MSRA: variants seen among roughly 807,000 people sequenced by gnomAD.
The protein encoded by MSRA is methionine sulfoxide reductase A.
Under a neutral mutation model 31.3 loss-of-function variants are expected in MSRA, and 54 were observed. The ratio of observed to expected loss-of-function variants is 1.73; its 90% CI spans 1.39 to 2.17. MSRA has a LOEUF of 2.17. Among genes scored for constraint, MSRA ranks in the 30% most tolerant of loss-of-function variants. The pLI is 0.00. For missense variants in MSRA, 507 were observed against 300.9 expected (o/e 1.69, Z -5.07); for synonymous variants, 169 against 116.5 (o/e 1.45, Z -2.90).
chr8:10,410,483 G>A (rs1267213727), intron 5 of MSRA, among the ~76,000 whole-genome samples: 1 of 152,194 alleles, frequency 6.6e-6, no homozygotes, highest in South Asian at 2.1e-4. Context: ...TTAGAGCAGT[G>A]CTCCTGAAAT....
intron 1 of MSRA, among the ~76,000 whole-genome samples, chr8:10,204,797 C>T (rs377153604): frequency 6.6e-6 from 1 of 152,218 alleles, no homozygotes; most frequent in Non-Finnish European, 1.5e-5. Context: ...TTACCTCACT[C>T]GTTAATTTAA....
intron 2 of MSRA, among the ~76,000 whole-genome samples, chr8:10,225,972 A>G (rs943759769): frequency 2.0e-5 from 3 of 152,204 alleles, no homozygotes; most frequent in Non-Finnish European, 2.9e-5. Context: ...ATAGGAAAAA[A>G]TGGGAAGTGT....
intron 5 of MSRA, among the ~76,000 whole-genome samples, chr8:10,382,444 A>G (rs762907378): frequency 3.3e-5 from 5 of 152,198 alleles, no homozygotes; most frequent in African/African-American, 1.2e-4. Context: ...AGGTCCCTCT[A>G]GCAGCTGGTG....
At chr8:10,212,831 G>A (rs1388586202) in intron 2 of MSRA, among the ~76,000 whole-genome samples, 1 of 152,018 alleles carries the variant, frequency 6.6e-6, no homozygotes, top group Non-Finnish European at 1.5e-5. Context: ...TTGGAACACT[G>A]AAACATTTAA....
intron 3 of MSRA, chr8:10,250,651 G>T: frequency 1.7e-6 from 1 of 599,606 alleles, no homozygotes; most frequent in Non-Finnish European, 3.0e-6. Flanking sequence ...GAGCCCAGGT[G>T]TGGGAAGAGC....
intron 3 of MSRA, among the ~76,000 whole-genome samples, chr8:10,255,230 G>T (rs1266791154): frequency 2.0e-5 from 3 of 152,216 alleles, no homozygotes; most frequent in African/African-American, 7.2e-5. Flanking sequence ...CTCATCACTA[G>T]CCCACTGCAA....
intron 1 of MSRA, among the ~76,000 whole-genome samples, chr8:10,091,606 AG>A (rs988984269): frequency 1.4e-5 from 2 of 147,534 alleles, no homozygotes; most frequent in Middle Eastern, 7.0e-3. Context: ...ATCATATGGT[AG>A]TTTTTTTTTT....
chr8:10,132,234 A>G (rs1269801277), intron 1 of MSRA, among the ~76,000 whole-genome samples: 1 of 152,246 alleles, frequency 6.6e-6, no homozygotes, highest in Admixed American at 6.5e-5. Context: ...TTTCACAAAA[A>G]AAGTTTGGAC....
intron 1 of MSRA, among the ~76,000 whole-genome samples, chr8:10,111,377 T>C (rs1311412462): frequency 6.6e-6 from 1 of 152,174 alleles, no homozygotes; most frequent in Non-Finnish European, 1.5e-5. Flanking sequence ...CTTCTCTCTC[T>C]TGGGGCCACT....
intron 3 of MSRA, among the ~76,000 whole-genome samples, chr8:10,292,193 A>C (rs143358110): frequency 6.6e-5 from 10 of 152,332 alleles, no homozygotes; most frequent in African/African-American, 2.4e-4. Context: ...TGCATGTGGG[A>C]TTCCATCTAG....
intron 5 of MSRA, among the ~76,000 whole-genome samples, chr8:10,383,542 G>T (rs1329854939): frequency 6.6e-6 from 1 of 151,994 alleles, no homozygotes; most frequent in Non-Finnish European, 1.5e-5. Flanking sequence ...CTGCCTGTCA[G>T]TTATTTTTTT....
chr8:10,397,817 C>T (rs1252466777), intron 5 of MSRA, among the ~76,000 whole-genome samples: 1 of 152,178 alleles, frequency 6.6e-6, no homozygotes, highest in Non-Finnish European at 1.5e-5. Flanking sequence ...CTCATAGTCT[C>T]ATAGTCTTTA....
intron 1 of MSRA, among the ~76,000 whole-genome samples, chr8:10,064,502 A>T (rs1441311842): frequency 6.6e-6 from 1 of 152,200 alleles, no homozygotes; most frequent in South Asian, 2.1e-4. Context: ...TGGCATCATG[A>T]TACAGCGAAG....
intron 1 of MSRA, among the ~76,000 whole-genome samples, chr8:10,114,806 T>A (rs1800559787): frequency 6.6e-6 from 1 of 152,184 alleles, no homozygotes; most frequent in South Asian, 2.1e-4. Flanking sequence ...AGATGTCAAT[T>A]CTCTTAAAAT....
At position 10,098,153 on chromosome 8, in the gene MSRA, T is replaced by G. The variant is rs372542892; in HGVS notation, c.142+43495T>G. ...TTTTGTACTACAAACACATTGACAT[T>G]TAGGTTATTAACTATTTCCATATTA... is the stretch of plus-strand genomic sequence containing the variant. On this transcript the variant is annotated intron_variant, in intron 1 of 5. Coordinates refer to ENST00000317173, the MANE Select transcript of MSRA (RefSeq NM_012331.5). Among the ~76,000 whole-genome samples, 6 of 152,276 alleles carry G rather than the reference T, an allele frequency of 3.9e-5. No homozygotes were observed. In the South Asian group the frequency reaches 1.2e-3, roughly 32 times the overall value.
chr8:10,385,690 A>G (rs2129176713), intron 5 of MSRA, among the ~76,000 whole-genome samples: 1 of 152,204 alleles, frequency 6.6e-6, no homozygotes, highest in East Asian at 1.9e-4. Flanking sequence ...TCCAAGAGGC[A>G]GTGAAGTCAT....
chr8:10,160,707 T>G (rs1047879041), intron 1 of MSRA, among the ~76,000 whole-genome samples: 4 of 152,156 alleles, frequency 2.6e-5, no homozygotes, highest in Admixed American at 2.6e-4. Flanking sequence ...TTTTTGTATT[T>G]TTAGTAGAGA....
At chr8:10,372,435 CTTTAT>C (rs772402202) in intron 5 of MSRA, among the ~76,000 whole-genome samples, 19 of 152,192 alleles carry the variant, frequency 1.2e-4, no homozygotes, top group African/African-American at 3.1e-4. Flanking sequence ...GCATATATGA[CTTTAT>C]TTTATTTCCA....
intron 1 of MSRA, among the ~76,000 whole-genome samples, chr8:10,109,307 A>G (rs926951290): frequency 3.3e-5 from 5 of 151,960 alleles, no homozygotes; most frequent in Non-Finnish European, 7.4e-5. Flanking sequence ...GCTAAAGAGC[A>G]CAAATGCTTT....
Sources: gnomAD v4.1 joint callset for allele counts (sites outside exome capture counted in the v4.1 genomes callset) on GRCh38, gnomAD v4.1.1 for gene constraint, MANE v1.5 for transcripts, NCBI Gene and HGNC (gene_info 2026-07-23, HGNC 2026-07-21) for gene names.